SREBF2: variants seen among roughly 807,000 people sequenced by gnomAD.
SREBF2 encodes the protein sterol regulatory element binding transcription factor 2.
SREBF2 carries 55 observed loss-of-function variants against 113.1 expected under a neutral mutation model. The ratio of observed to expected loss-of-function variants is 0.49; its 90% CI spans 0.39 to 0.61. SREBF2 has a LOEUF of 0.61. Ranked by LOEUF, SREBF2 falls within the 20% of genes least tolerant of loss-of-function variation. The pLI is 0.00. For synonymous variants in SREBF2, 593 were observed against 605.7 expected (o/e 0.98, Z 0.31); for missense variants, 1,349 against 1,487.4 (o/e 0.91, Z 1.53).
chr22:41,881,775 T>C (rs967594727), intron 10 of SREBF2, among the ~76,000 whole-genome samples: 1 of 152,138 alleles, frequency 6.6e-6, no homozygotes, highest in Non-Finnish European at 1.5e-5. Context: ...TTCTCAAGTT[T>C]AGAAGAGTCA....
rs1004622498 is a variant in SREBF2, at chr22:41,887,204, G to A, written c.2208+2193G>A. On this transcript the variant is annotated intron_variant, in intron 11 of 18. Coordinates refer to ENST00000361204, the MANE Select transcript of SREBF2 (RefSeq NM_004599.4). ...CACTCCAGCCTGGGTGACAGAGTGA[G>A]TGAGACTCCGTCTCAAGAAAAAAAA... Among the ~76,000 whole-genome samples, 11 of 152,102 alleles carry A rather than the reference G, an allele frequency of 7.2e-5. 1 individual carries two copies. In the South Asian group the frequency reaches 2.3e-3, roughly 32 times the overall value.
intron 1 of SREBF2, chr22:41,834,405 C>G (rs1367754303): frequency 6.6e-6 from 1 of 152,546 alleles, no homozygotes; most frequent in African/African-American, 2.4e-5. Flanking sequence ...TTAAAGAAGC[C>G]GAGGCCAGGA....
intron 9 of SREBF2, among the ~76,000 whole-genome samples, 172 bp downstream of exon 9, chr22:41,878,295 C>T (rs1045175530): frequency 6.6e-5 from 10 of 152,150 alleles, no homozygotes; most frequent in African/African-American, 2.4e-4. Context: ...TAATTAATTC[C>T]AGGGACATGA....
chr22:41,884,195 G>C (rs1354482962), intron 10 of SREBF2, among the ~76,000 whole-genome samples: 1 of 152,194 alleles, frequency 6.6e-6, no homozygotes, highest in Non-Finnish European at 1.5e-5. Flanking sequence ...GAGTGCAGTG[G>C]TGCGATCTCA....
intron 17 of SREBF2, 80 bp downstream of exon 17, chr22:41,903,235 A>G (rs2077480159): frequency 6.6e-7 from 1 of 1,511,640 alleles, no homozygotes. Context: ...GGGCACCAGC[A>G]TGTGGTTGTG....
chr22:41,865,305 G>A (rs181192771), intron 1 of SREBF2, among the ~76,000 whole-genome samples: 3 of 152,206 alleles, frequency 2.0e-5, no homozygotes, highest in Non-Finnish European at 1.5e-5. Flanking sequence ...GGCCTTGAAG[G>A]TTTGGAAAGG....
intron 7 of SREBF2, 117 bp downstream of exon 7, chr22:41,875,841 AAAACAGG>A: frequency 1.6e-6 from 2 of 1,216,712 alleles, no homozygotes; most frequent in African/African-American, 1.5e-5. Context: ...AGCCTGGAGA[AAAACAGG>A]AATTCTGTGA....
Position 41,833,161 on chromosome 22 carries a change from T to G in SREBF2, c.-110T>G. 1 of 785,930 alleles carries G rather than the reference T, an allele frequency of 1.3e-6. No individual in the cohort carries two copies. Among genetic ancestry groups the G allele is most frequent in the Non-Finnish European group, 1.8e-6 (1 of 544,530 alleles). The allele number at this position is 785,930 out of a possible 1,614,324, so 48.7% of individuals were successfully genotyped here. A position where few individuals can be genotyped will look rare whatever the true frequency, so the allele number is the denominator to read the frequency against. ...CATGGCGGCGGGTGGCACCCGTCGG[T>G]GAGGCGGTGCCGGGCGGGGGTTGTC... On this transcript the variant is annotated 5_prime_UTR_variant, in exon 1 of 19. The change abolishes the stop of an existing upstream ORF in the 5' untranslated region. Transcript: ENST00000361204. The surrounding 1 kb of genome is among the most constrained non-coding windows in gnomAD (Gnocchi z 4.1).
intron 4 of SREBF2, among the ~76,000 whole-genome samples, chr22:41,871,539 A>G (rs1206873189): frequency 6.6e-6 from 1 of 152,216 alleles, no homozygotes; most frequent in African/African-American, 2.4e-5. Flanking sequence ...ATGTCCATCC[A>G]CAGGAAAATA....
In SREBF2 at chr22:41,867,350, A is replaced by T. The variant is rs558669244; in HGVS notation, c.538+70A>T. On this transcript the variant is annotated intron_variant, in intron 2 of 18. Transcript: ENST00000361204. ...TTATGTGCCAGTTTGCAGACACTGTAAATATTTCTGTCGTCTTCAGGAATG... is the reference window on the plus strand; with the variant it reads ...TTATGTGCCAGTTTGCAGACACTGTTAATATTTCTGTCGTCTTCAGGAATG... The T allele has an allele frequency of 2.0e-6, 3 of 1,537,742 alleles. No homozygotes were observed. In the African/African-American group the frequency reaches 4.1e-5, roughly 21 times the overall value.
At chr22:41,870,180 T>TA (rs1377008186) in intron 3 of SREBF2, among the ~76,000 whole-genome samples, 1 of 152,150 alleles carries the variant, frequency 6.6e-6, no homozygotes, top group Non-Finnish European at 1.5e-5. Flanking sequence ...CAATTTATCT[T>TA]AAAAAAATCA....
chr22:41,866,963 G>C lies in SREBF2; in HGVS notation c.221G>C (p.Ser74Thr). 1.9e-6 allele frequency: 3 copies of C among 1,614,146 alleles called. No individual in the cohort carries two copies. Among genetic ancestry groups the C allele is most frequent in the Non-Finnish European group, 2.5e-6 (3 of 1,180,010 alleles). ...SGSSGSSSSS[S>T]NGRGSSSGAV... ...AGCAGTGGCAGCAGCAGCAGCAGCA[G>C]CAATGGCAGGGGCAGCAGCAGCGGA... The change falls in exon 2 of 19, where the codon AGC becomes ACC. Residue 74 changes from serine (S) to threonine (T), a missense_variant. By Grantham distance (58) the Ser-to-Thr change is moderately conservative (BLOSUM62 1). Around this residue, in one of 2 missense-constraint regions of SREBF2, gnomAD observed 699 missense variants for 843.3 expected, o/e 0.83. Transcript: ENST00000361204.
intron 17 of SREBF2, chr22:41,904,513 C>T (rs2077489204): frequency 1.9e-6 from 1 of 519,950 alleles, no homozygotes; most frequent in Admixed American, 2.3e-5. Flanking sequence ...CCTGTCACAC[C>T]TGTCCTTTTG....
At chr22:41,900,638 A>G (rs1470873861) in intron 16 of SREBF2, 140 bp downstream of exon 16, 2 of 889,224 alleles carry the variant, frequency 2.2e-6, no homozygotes, top group Non-Finnish European at 3.4e-6. Context: ...CTTTCAAAAA[A>G]GTTACGGCTT....
rs143287516 is a variant in SREBF2, at chr22:41,877,261, G to A, written c.1419G>A (p.Ala473=). 49 of 1,614,072 alleles carry A rather than the reference G, an allele frequency of 3.0e-5. No homozygotes were observed. Among genetic ancestry groups the A allele is most frequent in the African/African-American group, 2.4e-4 (18 of 74,916 alleles). Residue 473 remains alanine, a synonymous_variant, in exon 8 of 19, where the codon GCG becomes GCA. Transcript: ENST00000361204. The part of the protein sequence containing the change: ...VKDEPDSPPV[A]LGMVDRSRIL... ...ATGAGCCAGACTCTCCTCCTGTGGC[G>A]CTGGGCATGGTAGACCGCTCACGGA...
rs1487471019 is a variant in SREBF2, at chr22:41,875,419, A to G, written c.1172A>G (p.Asn391Ser). 6.2e-7 allele frequency: 1 copy of G among 1,614,246 alleles called. No individual in the cohort carries two copies. The highest frequency in any genetic ancestry group is 1.1e-5 in the South Asian group (1 of 91,088). ...GTCAATCATAAACTGCGCCAGGAGAACATGGTGCTGAAGCTGGCAAATCAA... is the reference window on the plus strand; with the variant it reads ...GTCAATCATAAACTGCGCCAGGAGAGCATGGTGCTGAAGCTGGCAAATCAA... Reference protein sequence around the residue: ...QQVNHKLRQENMVLKLANQKN... With the variant: ...QQVNHKLRQESMVLKLANQKN... Residue 391 changes from asparagine (N) to serine (S), a missense_variant, in exon 6 of 19, where the codon AAC (asparagine) becomes AGC (serine). Around this residue, in one of 2 missense-constraint regions of SREBF2, gnomAD observed 699 missense variants for 843.3 expected, o/e 0.83. Coordinates refer to ENST00000361204, the MANE Select transcript of SREBF2 (RefSeq NM_004599.4).
rs201578340 is a variant in SREBF2 at position 41,906,171 on chromosome 22, C to G, written c.*511C>G. The G allele has an allele frequency of 5.4e-5, 20 of 368,676 alleles. No homozygotes were observed. The East Asian group carries it at 1.5e-3, about 27-fold the overall frequency. The allele number at this position is 368,676 out of a possible 1,614,324, so 22.8% of individuals were successfully genotyped here. A position where few individuals can be genotyped will look rare whatever the true frequency, so the allele number is the denominator to read the frequency against. The stretch of plus-strand genomic sequence containing the variant: ...GCTGAGTTGCTGTAGCGTCTTGATT[C>G]TCTCCCTGGGTCTGCGTTCCCTCCC... On this transcript the variant is annotated 3_prime_UTR_variant, in exon 19 of 19. Transcript: ENST00000361204.
chr22:41,857,898 G>GA (rs1468609851), intron 1 of SREBF2, among the ~76,000 whole-genome samples: 6 of 152,326 alleles, frequency 3.9e-5, no homozygotes, highest in Admixed American at 1.3e-4. Flanking sequence ...GTGGTTGAAA[G>GA]AGCCCAGTTC....
At chr22:41,905,049 C>A in intron 18 of SREBF2, 75 bp downstream of exon 18, 1 of 1,326,854 alleles carries the variant, frequency 7.5e-7, no homozygotes, top group Non-Finnish European at 1.0e-6. Flanking sequence ...GAGGGGCCAG[C>A]CCAGCTCCCA....
Sources: gnomAD v4.1 joint callset for allele counts (sites outside exome capture counted in the v4.1 genomes callset) on GRCh38, gnomAD v4.1.1 for gene constraint, gnomAD v4.1.1 regional missense constraint, Gnocchi (gnomAD v3.1) non-coding constraint, MANE v1.5 for transcripts, NCBI Gene and HGNC (gene_info 2026-07-23, HGNC 2026-07-21) for gene names.